Variants in OR13J1 observed in about 807,000 individuals in gnomAD.
The protein encoded by OR13J1 is olfactory receptor family 13 subfamily J member 1.
In OR13J1, 6 loss-of-function variants were observed where a neutral mutation model predicts 6.4. That is an observed-to-expected ratio of 0.93 (90% confidence interval 0.51 to 1.84). The LOEUF is 1.84. OR13J1 is among the 40% of genes most tolerant of loss of function. The pLI, the probability that OR13J1 is intolerant of heterozygous loss-of-function variation, is 0.01. For missense variants in OR13J1, 382 were observed against 395.6 expected, an observed-to-expected ratio of 0.97 and a Z score of 0.29; for synonymous variants, 175 against 182.4, an observed-to-expected ratio of 0.96 and a Z score of 0.33.
chr9:35,870,133 T>G lies in OR13J1; in HGVS notation c.269A>C (p.Lys90Thr). The G allele has an allele frequency of 6.2e-7, 1 of 1,614,226 alleles. No homozygotes were observed. The highest frequency in any genetic ancestry group is 8.5e-7 in the Non-Finnish European group (1 of 1,180,040). ...GGCACAGACAGCAAAGGAGATGGTC[T>G]TCCGGGATGACAGGAGGTGGACCAG... is the stretch of plus-strand genomic sequence containing the variant. ...LMLVHLLSSR[K>T]TISFAVCAIQ... Residue 90 changes from lysine (K) to threonine (T), a missense_variant, in exon 1 of 1, where the codon AAG becomes ACG. By Grantham distance (78) the Lys-to-Thr change is moderately conservative. Coordinates refer to ENST00000377981, the MANE Select transcript of OR13J1 (RefSeq NM_001004487.1).
rs1268070287 is a variant in OR13J1, at chr9:35,870,184, T to C, written c.218A>G (p.Tyr73Cys). The stretch of plus-strand genomic sequence containing the variant: ...CATCAGAGGCACAAAGGTGGGCGTG[T>C]AGCAGATGTCCAGGGTAGAGAGGTT... ...LGNLSTLDIC[Y>C]TPTFVPLMLV... is the part of the protein sequence containing the mutation. The change falls in exon 1 of 1, where the codon TAC (tyrosine) becomes TGC (cysteine). Residue 73 changes from tyrosine (Y) to cysteine (C), a missense_variant. Transcript: ENST00000377981. 1 of 1,614,148 alleles carries C rather than the reference T, an allele frequency of 6.2e-7. No individual in the cohort carries two copies.
In OR13J1 at chr9:35,870,107, T is replaced by A; in HGVS notation, c.295A>T (p.Ile99Phe). ...RKTISFAVCA[I>F]QMCLSLSTGS... Reference sequence around the variant, plus strand: ...GTGGACAGGCTCAGACACATCTGGATGGCACAGACAGCAAAGGAGATGGTC... The same window carrying A: ...GTGGACAGGCTCAGACACATCTGGAAGGCACAGACAGCAAAGGAGATGGTC... Residue 99 changes from isoleucine (I) to phenylalanine (F), a missense_variant, in exon 1 of 1, where the codon ATC becomes TTC. Transcript: ENST00000377981. 6.2e-7 allele frequency: 1 copy of A among 1,614,236 alleles called. No homozygotes were observed. Among genetic ancestry groups the A allele is most frequent in the Non-Finnish European group, 8.5e-7 (1 of 1,180,048 alleles).
rs777167294 is a variant in OR13J1 at position 35,869,979 on chromosome 9, G to T, written c.423C>A (p.Cys141Ter). ...CCCAGGCAGCTCCCATCAGCAGCAC[G>T]CAGAGCCGGTGGCTCATGAGCACGT... Reference protein sequence around the residue: ...RYHVLMSHRLCVLLMGAAWVL... With the variant: ...RYHVLMSHRL The change falls in exon 1 of 1, where the codon TGC becomes TGA. Residue 141 changes from cysteine (C) to a stop codon, truncating the protein, a stop_gained. Coordinates refer to ENST00000377981, the MANE Select transcript of OR13J1 (RefSeq NM_001004487.1). LOFTEE classifies it high-confidence loss of function. 6.2e-7 allele frequency: 1 copy of T among 1,614,198 alleles called. No individual in the cohort carries two copies. Among genetic ancestry groups the T allele is most frequent in the Non-Finnish European group, 8.5e-7 (1 of 1,180,020 alleles).
Position 35,869,505 on chromosome 9 carries a change from C to G in OR13J1, c.897G>C (p.Glu299Asp). ...IYSLRNKEVK[E>D]AARKVWGRSR... ...TCCTGCCCCACACCTTCCTGGCGGC[C>G]TCCTTCACCTCCTTGTTCCTCAGGC... The change falls in exon 1 of 1, where the codon GAG (glutamate) becomes GAC (aspartate). Residue 299 changes from glutamate (E) to aspartate (D), a missense_variant. Coordinates refer to ENST00000377981, the MANE Select transcript of OR13J1 (RefSeq NM_001004487.1). The G allele has an allele frequency of 6.2e-7, 1 of 1,614,000 alleles. No individual in the cohort carries two copies. Among genetic ancestry groups the G allele is most frequent in the Non-Finnish European group, 8.5e-7 (1 of 1,179,988 alleles).
In OR13J1 at chr9:35,869,964, TC is replaced by T. The variant is rs1832778266; in HGVS notation, c.437del (p.Gly146GlufsTer12). ...MSHRLCVLLMGAAWVLCLLKS... is the reference protein window; with the variant it reads ...MSHRLCVLLMXAAWVLCLLKS... ...TGAGGAGGCAGAGGACCCAGGCAGC[TC>T]CCATCAGCAGCACGCAGAGCCGGTG... On this transcript the variant is annotated frameshift_variant, in exon 1 of 1. Transcript: ENST00000377981. LOFTEE classifies it high-confidence loss of function. The T allele has an allele frequency of 2.5e-6, 4 of 1,614,186 alleles. No individual in the cohort carries two copies. The highest frequency in any genetic ancestry group is 3.4e-6 in the Non-Finnish European group (4 of 1,180,028).
rs774198824 is a variant in OR13J1, at chr9:35,869,787, C to T, written c.615G>A (p.Leu205=). The T allele has an allele frequency of 6.8e-6, 11 of 1,613,854 alleles. No individual in the cohort carries two copies. In the Admixed American group the frequency reaches 1.0e-4, roughly 15 times the overall value. ...TGAATGCCAGGGGTACAGGCAGCAG[C>T]AGGATGGAGCCCGCCAGCAGGAAGT... ...SEDFLLAGSI[L]LLPVPLAFIC... Residue 205 remains leucine (L), a synonymous_variant, in exon 1 of 1, where the codon CTG becomes CTA. Coordinates refer to ENST00000377981, the MANE Select transcript of OR13J1 (RefSeq NM_001004487.1).
At position 35,869,934 on chromosome 9, in the gene OR13J1, C is replaced by T. The variant is rs1474662407; in HGVS notation, c.468G>A (p.Ser156=). The stretch of plus-strand genomic sequence containing the variant: ...TCATGGAGATGACCATCTCAGTCAC[C>T]GACTTGAGGAGGCAGAGGACCCAGG... ...GAAWVLCLLK[S]VTEMVISMRL... Residue 156 remains serine, a synonymous_variant, in exon 1 of 1, where the codon TCG becomes TCA. Transcript: ENST00000377981. 18 of 1,614,044 alleles carry T rather than the reference C, an allele frequency of 1.1e-5. No homozygotes were observed. The highest frequency in any genetic ancestry group is 1.6e-4 in the Middle Eastern group (1 of 6,084).
Position 35,869,948 on chromosome 9 carries a change from A to G in OR13J1, c.454T>C (p.Cys152Arg). Reference protein sequence around the residue: ...VLLMGAAWVLCLLKSVTEMVI... With the variant: ...VLLMGAAWVLRLLKSVTEMVI... ...ATCTCAGTCACCGACTTGAGGAGGC[A>G]GAGGACCCAGGCAGCTCCCATCAGC... The change falls in exon 1 of 1, where the codon TGC (cysteine) becomes CGC (arginine). Residue 152 changes from cysteine to arginine, a missense_variant. Coordinates refer to ENST00000377981, the MANE Select transcript of OR13J1 (RefSeq NM_001004487.1). The G allele has an allele frequency of 6.2e-7, 1 of 1,614,178 alleles. No homozygotes were observed. Among genetic ancestry groups the G allele is most frequent in the Middle Eastern group, 1.7e-4 (1 of 6,060 alleles).
At position 35,870,349 on chromosome 9, in the gene OR13J1, G is replaced by GA. The variant is rs1481691858; in HGVS notation, c.52dup (p.Ser18PhefsTer104). On this transcript the variant is annotated frameshift_variant, in exon 1 of 1. Coordinates refer to ENST00000377981, the MANE Select transcript of OR13J1 (RefSeq NM_001004487.1). LOFTEE classifies it high-confidence loss of function. ...CAGATGCTCCAGGGCTGGGTAGCCA[G>GA]AAAATCCTTTCAGAAAGAACTCGGA... 2.5e-6 allele frequency: 4 copies of GA among 1,610,512 alleles called. No homozygotes were observed. Among genetic ancestry groups the GA allele is most frequent in the Non-Finnish European group, 3.4e-6 (4 of 1,177,288 alleles).
chr9:35,870,226 A>C lies in OR13J1; in HGVS notation c.176T>G (p.Val59Gly). 1 of 1,614,152 alleles carries C rather than the reference A, an allele frequency of 6.2e-7. No homozygotes were observed. Among genetic ancestry groups the C allele is most frequent in the Non-Finnish European group, 8.5e-7 (1 of 1,180,002 alleles). The change falls in exon 1 of 1, where the codon GTG becomes GGG. Residue 59 changes from valine to glycine, a missense_variant. Coordinates refer to ENST00000377981, the MANE Select transcript of OR13J1 (RefSeq NM_001004487.1). ...SVLDIHLHTP[V>G]YFFLGNLSTL... ...AGAGAGGTTGCCCAGGAAGAAGTAC[A>C]CGGGCGTGTGCAGGTGGATATCTAG...
rs779067328 is a variant in OR13J1, at chr9:35,869,752, G to C, written c.650C>G (p.Ser217Cys). The C allele has an allele frequency of 3.1e-6, 5 of 1,613,526 alleles. No individual in the cohort carries two copies. Among genetic ancestry groups the C allele is most frequent in the Non-Finnish European group, 4.2e-6 (5 of 1,180,038 alleles). The stretch of plus-strand genomic sequence containing the variant: ...GATGGTGGCCAGGATGAGCAAGTAG[G>C]ACAGGCAGATGAATGCCAGGGGTAC... ...LPVPLAFICL[S>C]YLLILATILR... Residue 217 changes from serine to cysteine, a missense_variant, in exon 1 of 1, where the codon TCC becomes TGC. Physicochemically the swap from Ser to Cys is moderately radical, Grantham distance 112 (BLOSUM62 -1). Coordinates refer to ENST00000377981, the MANE Select transcript of OR13J1 (RefSeq NM_001004487.1).
Position 35,870,078 on chromosome 9 carries a change from G to A in OR13J1, c.324C>T (p.Gly108=). 1.2e-6 allele frequency: 2 copies of A among 1,614,234 alleles called. No individual in the cohort carries two copies. Among genetic ancestry groups the A allele is most frequent in the Non-Finnish European group, 8.5e-7 (1 of 1,180,042 alleles). Residue 108 remains glycine (G), a synonymous_variant, in exon 1 of 1, where the codon GGC becomes GGT. Coordinates refer to ENST00000377981, the MANE Select transcript of OR13J1 (RefSeq NM_001004487.1). ...AIQMCLSLST[G]STECLLLAIT... is the part of the protein sequence containing the mutation. ...TGGCCAGTAGCAGGCACTCCGTGGA[G>A]CCCGTGGACAGGCTCAGACACATCT... is the stretch of plus-strand genomic sequence containing the variant.
rs759235590 is a variant in OR13J1 at position 35,869,791 on chromosome 9, A to T, written c.611T>A (p.Ile204Asn). 1.2e-6 allele frequency: 2 copies of T among 1,613,998 alleles called. No individual in the cohort carries two copies. Among genetic ancestry groups the T allele is most frequent in the Admixed American group, 1.7e-5 (1 of 60,016 alleles). Reference protein sequence around the residue: ...VSEDFLLAGSILLLPVPLAFI... With the variant: ...VSEDFLLAGSNLLLPVPLAFI... ...TGCCAGGGGTACAGGCAGCAGCAGG[A>T]TGGAGCCCGCCAGCAGGAAGTCTTC... The change falls in exon 1 of 1, where the codon ATC (isoleucine) becomes AAC (asparagine). Residue 204 changes from isoleucine to asparagine, a missense_variant. Coordinates refer to ENST00000377981, the MANE Select transcript of OR13J1 (RefSeq NM_001004487.1).
Position 35,870,028 on chromosome 9 carries a change from G to A in OR13J1, c.374C>T (p.Ala125Val), listed in dbSNP as rs1348567719. ...LAITAYDRYL[A>V]ICQPLRYHVL... ...GTGGTACCTGAGTGGCTGGCAGATG[G>A]CCAGGTAGCGGTCATAGGCCGTGAT... Residue 125 changes from alanine (A) to valine (V), a missense_variant, in exon 1 of 1, where the codon GCC (alanine) becomes GTC (valine). By Grantham distance (64) the Ala-to-Val change is moderately conservative. Transcript: ENST00000377981. The A allele has an allele frequency of 6.2e-7, 1 of 1,614,142 alleles. No homozygotes were observed. Among genetic ancestry groups the A allele is most frequent in the Non-Finnish European group, 8.5e-7 (1 of 1,179,970 alleles).
chr9:35,869,827 G>A lies in OR13J1; in HGVS notation c.575C>T (p.Thr192Met), dbSNP rs780452266. The change falls in exon 1 of 1, where the codon ACG becomes ATG. Residue 192 changes from threonine to methionine, a missense_variant. Physicochemically the swap from Thr to Met is moderately conservative, Grantham distance 81. Transcript: ENST00000377981. Reference sequence around the variant, plus strand: ...CAGCAGGAAGTCTTCGCTGACCGACGTGTTGCCGCATGCCAGCTTCAGCAC... The same window carrying A: ...CAGCAGGAAGTCTTCGCTGACCGACATGTTGCCGCATGCCAGCTTCAGCAC... ...LAVLKLACGN[T>M]SVSEDFLLAG... 13 of 1,613,954 alleles carry A rather than the reference G, an allele frequency of 8.1e-6. No individual in the cohort carries two copies. The highest frequency in any genetic ancestry group is 4.0e-5 in the African/African-American group (3 of 74,880).
Position 35,869,717 on chromosome 9 carries a change from G to C in OR13J1, c.685C>G (p.Pro229Ala). 1 of 1,613,418 alleles carries C rather than the reference G, an allele frequency of 6.2e-7. No individual in the cohort carries two copies. The part of the protein sequence containing the change: ...LLILATILRV[P>A]SAARCCKAFS... ...GCTTTGCAGCACCTGGCGGCCGAGG[G>C]CACCCTCAGGATGGTGGCCAGGATG... is the stretch of plus-strand genomic sequence containing the variant. The change falls in exon 1 of 1, where the codon CCC becomes GCC. Residue 229 changes from proline to alanine, a missense_variant. Pro to Ala is a conservative substitution (Grantham distance 27). Transcript: ENST00000377981.
chr9:35,870,286 A>G lies in OR13J1; in HGVS notation c.116T>C (p.Leu39Pro), dbSNP rs370518524. The stretch of plus-strand genomic sequence containing the variant: ...CGCCATGATGGCTGTGTTCCCCAGG[A>G]GGGTCACCAGGTACATGGCTGAGCA... ...PLCSAMYLVT[L>P]LGNTAIMAVS... Residue 39 changes from leucine (L) to proline (P), a missense_variant, in exon 1 of 1, where the codon CTC becomes CCC. Transcript: ENST00000377981. 10 of 1,613,918 alleles carry G rather than the reference A, an allele frequency of 6.2e-6. No individual in the cohort carries two copies. In the African/African-American group the frequency reaches 1.2e-4, roughly 19 times the overall value.
In OR13J1 at chr9:35,869,908, C is replaced by T; in HGVS notation, c.494G>A (p.Arg165Lys). Reference protein sequence around the residue: ...KSVTEMVISMRLPFCGHHVVS... With the variant: ...KSVTEMVISMKLPFCGHHVVS... ...CACGTGGTGGCCACAGAAGGGCAGC[C>T]TCATGGAGATGACCATCTCAGTCAC... is the stretch of plus-strand genomic sequence containing the variant. The change falls in exon 1 of 1, where the codon AGG becomes AAG. Residue 165 changes from arginine (R) to lysine (K), a missense_variant. Coordinates refer to ENST00000377981, the MANE Select transcript of OR13J1 (RefSeq NM_001004487.1). The T allele has an allele frequency of 6.2e-7, 1 of 1,614,190 alleles. No individual in the cohort carries two copies.
chr9:35,870,037 C>T lies in OR13J1; in HGVS notation c.365G>A (p.Arg122His), dbSNP rs377566057. Residue 122 changes from arginine (R) to histidine (H), a missense_variant, in exon 1 of 1, where the codon CGC becomes CAC. Arg to His is a conservative substitution (Grantham distance 29, BLOSUM62 0). Coordinates refer to ENST00000377981, the MANE Select transcript of OR13J1 (RefSeq NM_001004487.1). Reference protein sequence around the residue: ...CLLLAITAYDRYLAICQPLRY... With the variant: ...CLLLAITAYDHYLAICQPLRY... ...GAGTGGCTGGCAGATGGCCAGGTAG[C>T]GGTCATAGGCCGTGATGGCCAGTAG... The T allele has an allele frequency of 4.7e-5, 76 of 1,613,974 alleles. No homozygotes were observed. The highest frequency in any genetic ancestry group is 8.9e-5 in the East Asian group (4 of 44,898).
Sources: gnomAD v4.1 joint callset for allele counts on GRCh38, gnomAD v4.1.1 for gene constraint, MANE v1.5 for transcripts, NCBI Gene and HGNC (gene_info 2026-07-23, HGNC 2026-07-21) for gene names.